The following ABCB11 variants were observed in gnomAD, a reference collection of about 807,000 sequenced individuals.
The protein encoded by ABCB11 is bile salt export pump.
In ABCB11, 95 loss-of-function variants were observed where a neutral mutation model predicts 148.0. That is an observed-to-expected ratio of 0.64 (90% CI 0.54 to 0.76). ABCB11 has a LOEUF of 0.76. Among genes scored for constraint, ABCB11 ranks in the 30% least tolerant of loss-of-function variants. ABCB11 has a pLI of 0.00. For synonymous variants in ABCB11, 591 were observed against 555.4 expected (o/e 1.06, Z -0.90); for missense variants, 1,523 against 1,617.8 (o/e 0.94, Z 1.01).
intron 23 of ABCB11, 31 bp downstream of exon 23, chr2:168,935,153 T>C (rs750201403): frequency 1.9e-6 from 3 of 1,612,042 alleles, no homozygotes; most frequent in African/African-American, 2.7e-5. Flanking sequence ...TGTGTGTTGA[T>C]CTTTTCTCAC....
chr2:168,926,555 TC>T (rs774824637), intron 26 of ABCB11, among the ~76,000 whole-genome samples: 4 of 152,132 alleles, frequency 2.6e-5, no homozygotes, highest in Non-Finnish European at 4.4e-5. Context: ...AAACTAAAGC[TC>T]AATGTACAAA....
intron 21 of ABCB11, among the ~76,000 whole-genome samples, chr2:168,936,781 A>G (rs1355749715): frequency 6.6e-6 from 1 of 152,150 alleles, no homozygotes. Context: ...GAATCATACA[A>G]TATTTTTCCT....
At chr2:169,017,656 G>GA (rs141958318) in intron 2 of ABCB11, among the ~76,000 whole-genome samples, 14,589 of 152,034 alleles carry the variant, frequency 0.096, 1,173 homozygotes, top group African/African-American at 0.22. Flanking sequence ...TAGTGCTATA[G>GA]GCCCCCTCCA....
At chr2:168,976,782 C>A (rs1693926642) in intron 11 of ABCB11, 95 bp from the exon 12 acceptor site, 12 of 730,944 alleles carry the variant, frequency 1.6e-5, no homozygotes, top group Non-Finnish European at 2.9e-5. Context: ...TTTGGCGTAT[C>A]TCTGCAATGT....
At chr2:168,983,590 GA>G (rs1694208118) in intron 10 of ABCB11, among the ~76,000 whole-genome samples, 2 of 152,124 alleles carry the variant, frequency 1.3e-5, no homozygotes. Context: ...AAACTGAATT[GA>G]AAAAGTTGTT....
At chr2:168,992,694 AT>A (rs549713861) in intron 8 of ABCB11, among the ~76,000 whole-genome samples, 15 of 152,160 alleles carry the variant, frequency 9.9e-5, no homozygotes, top group African/African-American at 3.1e-4. Flanking sequence ...GGTTAAATGG[AT>A]TTTTCCTGAG....
chr2:168,932,970 G>A lies in ABCB11; in HGVS notation c.3057-437C>T, dbSNP rs531589729. On this transcript the variant is annotated intron_variant, in intron 23 of 27. Transcript: ENST00000650372. ...TAAAAATACAAAAAATTAGCTGGGC[G>A]TGGTGGTGGTCGCCTGTGGTCCCAG... Among the ~76,000 whole-genome samples the A allele has an allele frequency of 8.1e-4, 123 of 152,096 alleles. 1 individual carries two copies. Among genetic ancestry groups the A allele is most frequent in the African/African-American group, 2.1e-3 (89 of 41,486 alleles).
intron 1 of ABCB11, among the ~76,000 whole-genome samples, chr2:169,025,938 G>C (rs1400824361): frequency 1.3e-5 from 2 of 152,214 alleles, no homozygotes; most frequent in Non-Finnish European, 2.9e-5. Flanking sequence ...AGATGATTTG[G>C]GGAAGGATCT....
chr2:169,013,329 G>A lies in ABCB11; in HGVS notation c.332C>T (p.Thr111Ile). The part of the protein sequence containing the change: ...QIPGKACVNN[T>I]IVWTNSSLNQ... Reference sequence around the variant, plus strand: ...GAGGGAACTGTTAGTCCATACAATGGTGTTATTCACACATGCTTTTCCTGG... The same window carrying A: ...GAGGGAACTGTTAGTCCATACAATGATGTTATTCACACATGCTTTTCCTGG... Residue 111 changes from threonine (T) to isoleucine (I), a missense_variant, in exon 5 of 28, where the codon ACC becomes ATC. Thr to Ile is a moderately conservative substitution (Grantham distance 89). Coordinates refer to ENST00000650372, the MANE Select transcript of ABCB11 (RefSeq NM_003742.4). The A allele has an allele frequency of 1.2e-6, 2 of 1,613,814 alleles. No individual in the cohort carries two copies. The highest frequency in any genetic ancestry group is 1.7e-6 in the Non-Finnish European group (2 of 1,179,772).
downstream of ABCB11, among the ~76,000 whole-genome samples, chr2:168,920,328 T>C (rs188356015): frequency 6.6e-6 from 1 of 152,286 alleles, no homozygotes; most frequent in Non-Finnish European, 1.5e-5. Flanking sequence ...TGGAAATTCA[T>C]ATTCTTCAAT....
At chr2:168,931,883 A>G (rs2105890335) in intron 24 of ABCB11, among the ~76,000 whole-genome samples, 1 of 152,306 alleles carries the variant, frequency 6.6e-6, no homozygotes, top group South Asian at 2.1e-4. Context: ...CCAAGTATGT[A>G]TGAATGAACC....
At chr2:168,933,437 TGA>T (rs1365441682) in intron 23 of ABCB11, among the ~76,000 whole-genome samples, 1 of 152,110 alleles carries the variant, frequency 6.6e-6, no homozygotes. Context: ...ATAAATATAA[TGA>T]GAGATAACTT....
intron 10 of ABCB11, among the ~76,000 whole-genome samples, chr2:168,985,567 C>G (rs1694290961): frequency 6.6e-6 from 1 of 151,886 alleles, no homozygotes; most frequent in Non-Finnish European, 1.5e-5. Context: ...TATATATACA[C>G]AGATACATAT....
At chr2:168,937,362 T>G (rs1691877914) in intron 21 of ABCB11, among the ~76,000 whole-genome samples, 1 of 152,216 alleles carries the variant, frequency 6.6e-6, no homozygotes, top group African/African-American at 2.4e-5. Context: ...CTTTTGGATA[T>G]AGACCTAGGA....
At chr2:169,018,704 T>C (rs964335215) in intron 1 of ABCB11, among the ~76,000 whole-genome samples, 13 of 152,278 alleles carry the variant, frequency 8.5e-5, no homozygotes, top group Middle Eastern at 3.4e-3. Flanking sequence ...TGATTAGTCT[T>C]ATTCACAGTG....
intron 1 of ABCB11, among the ~76,000 whole-genome samples, chr2:169,026,050 G>C (rs1260922746): frequency 1.3e-5 from 2 of 152,162 alleles, no homozygotes; most frequent in African/African-American, 2.4e-5. Flanking sequence ...AAGGTGTTTG[G>C]TATTTTGTGG....
chr2:168,964,216 T>C lies in ABCB11; in HGVS notation c.2168A>G (p.Glu723Gly). ...AVVDHKSTYE[E>G]DRKDKDIPVQ... Reference sequence around the variant, plus strand: ...CAGTTGGTGCCTGACCTTTCTATCTTCTTCATAGGTAGACTTATGATCTAC... The same window carrying C: ...CAGTTGGTGCCTGACCTTTCTATCTCCTTCATAGGTAGACTTATGATCTAC... The change falls in exon 18 of 28, where the codon GAA becomes GGA. Residue 723 changes from glutamate (E) to glycine (G), a missense_variant. Glu to Gly is a moderately conservative substitution (Grantham distance 98). Coordinates refer to ENST00000650372, the MANE Select transcript of ABCB11 (RefSeq NM_003742.4). 2 of 1,555,684 alleles carry C rather than the reference T, an allele frequency of 1.3e-6. No individual in the cohort carries two copies. The highest frequency in any genetic ancestry group is 1.2e-5 in the South Asian group (1 of 84,432).
chr2:168,934,241 G>T (rs913671250), intron 23 of ABCB11, among the ~76,000 whole-genome samples: 1 of 152,030 alleles, frequency 6.6e-6, no homozygotes, highest in Non-Finnish European at 1.5e-5. Flanking sequence ...TTCCTAGCTG[G>T]GTGGGTGTAG....
chr2:168,961,022 A>G (rs1487553208), intron 18 of ABCB11, among the ~76,000 whole-genome samples: 1 of 151,736 alleles, frequency 6.6e-6, no homozygotes, highest in Non-Finnish European at 1.5e-5. Flanking sequence ...TAGTAGGGAG[A>G]GTAACAATAG....
Sources: gnomAD v4.1 joint callset for allele counts (sites outside exome capture counted in the v4.1 genomes callset) on GRCh38, gnomAD v4.1.1 for gene constraint, MANE v1.5 for transcripts, NCBI Gene and HGNC (gene_info 2026-07-23, HGNC 2026-07-21) for gene names.